Variants in SCLT1 observed in about 807,000 individuals in gnomAD.
The protein encoded by SCLT1 is sodium channel and clathrin linker 1.
In SCLT1, 78 loss-of-function variants were observed where a neutral mutation model predicts 112.8. The ratio of observed to expected loss-of-function variants is 0.69; its 90% confidence interval spans 0.58 to 0.83. SCLT1 has a LOEUF of 0.83. Among genes scored for constraint, SCLT1 ranks in the 40% least tolerant of loss-of-function variants. The pLI, the probability that SCLT1 is intolerant of heterozygous loss-of-function variation, is 0.00. For missense variants in SCLT1, 747 were observed against 770.4 expected, an observed-to-expected ratio of 0.97 and a Z score of 0.36; for synonymous variants, 257 against 254.7, an observed-to-expected ratio of 1.01 and a Z score of -0.09.
rs538633110 is a variant in SCLT1, at chr4:128,965,440, C to T, written c.778-122G>A. On this transcript the variant is annotated intron_variant, in intron 10 of 20. Transcript: ENST00000281142. ...TATGCTATTAGCATTCTAACACTTA[C>T]GTTAAAAGAAACAATATGACTTTGG... 368 of 655,378 alleles carry T rather than the reference C, an allele frequency of 5.6e-4. 1 individual carries two copies. Among genetic ancestry groups the T allele is most frequent in the Non-Finnish European group, 8.7e-4 (322 of 370,440 alleles). The allele number at this position is 655,378 out of a possible 1,614,324, so 40.6% of individuals were successfully genotyped here.
At chr4:128,895,905 T>G (rs184741211) in intron 18 of SCLT1, among the ~76,000 whole-genome samples, 1 of 152,302 alleles carries the variant, frequency 6.6e-6, no homozygotes, top group African/African-American at 2.4e-5. Context: ...CTGCCTGGCT[T>G]GAAGGGTCCT....
intron 18 of SCLT1, among the ~76,000 whole-genome samples, chr4:128,895,711 C>T (rs1437320450): frequency 2.0e-5 from 3 of 152,128 alleles, no homozygotes; most frequent in Non-Finnish European, 4.4e-5. Context: ...GTGCAGCGCA[C>T]CTAGCATGAG....
At chr4:129,052,625 CTTT>C (rs1324867616) in intron 2 of SCLT1, among the ~76,000 whole-genome samples, 3 of 151,072 alleles carry the variant, frequency 2.0e-5, no homozygotes, top group South Asian at 2.1e-4. Flanking sequence ...CTCTTTTCTT[CTTT>C]ATTAGTTTGG....
intron 2 of SCLT1, among the ~76,000 whole-genome samples, chr4:129,070,046 T>C (rs2125750839): frequency 6.6e-6 from 1 of 152,200 alleles, no homozygotes; most frequent in Non-Finnish European, 1.5e-5. Context: ...CTGTTTATGT[T>C]GAGTATCACA....
intron 18 of SCLT1, among the ~76,000 whole-genome samples, chr4:128,895,483 A>G (rs550015080): frequency 6.6e-6 from 1 of 152,212 alleles, no homozygotes; most frequent in African/African-American, 2.4e-5. Context: ...GGTTTATATT[A>G]TTTTTTAGAT....
chr4:128,973,107 T>A (rs17013991), intron 9 of SCLT1, among the ~76,000 whole-genome samples: 2,956 of 152,174 alleles, frequency 0.019, 100 homozygotes, highest in African/African-American at 0.064. Context: ...TCTAACCAAT[T>A]CCTTAATTTT....
chr4:129,085,474 A>G (rs1164587634), intron 1 of SCLT1, among the ~76,000 whole-genome samples: 1 of 152,206 alleles, frequency 6.6e-6, no homozygotes, highest in Non-Finnish European at 1.5e-5. Flanking sequence ...AAACACCTAA[A>G]GACAGAAATA....
intron 2 of SCLT1, among the ~76,000 whole-genome samples, chr4:129,079,743 G>T (rs1188331751): frequency 6.6e-6 from 1 of 152,258 alleles, no homozygotes; most frequent in African/African-American, 2.4e-5. Context: ...TGTGGATTCT[G>T]TGTGGGGGCT....
chr4:129,044,990 T>C (rs1748054879), intron 2 of SCLT1, among the ~76,000 whole-genome samples: 1 of 151,952 alleles, frequency 6.6e-6, no homozygotes, highest in African/African-American at 2.4e-5. Context: ...TTTATAGGTA[T>C]GTGGTATATA....
At position 129,044,045 on chromosome 4, in the gene SCLT1, C is replaced by A; in HGVS notation, c.109G>T (p.Val37Phe). The change falls in exon 3 of 21, where the codon GTC becomes TTC. Residue 37 changes from valine to phenylalanine, a missense_variant. Physicochemically the swap from Val to Phe is conservative, Grantham distance 50. This residue lies in a region of SCLT1 where 723 missense variants were observed against 721.3 expected (regional missense o/e 1.00). Transcript: ENST00000281142. ...GTGTCGTCTCCTTCTCCTTGGCAGA[C>A]AGCTTTCTATAAAAGAATGTACATC... Reference protein sequence around the residue: ...FSKYSSVQKAVCQGEGDDTFE... With the variant: ...FSKYSSVQKAFCQGEGDDTFE... 1 of 1,558,904 alleles carries A rather than the reference C, an allele frequency of 6.4e-7. No individual in the cohort carries two copies. The highest frequency in any genetic ancestry group is 2.3e-5 in the East Asian group (1 of 44,102).
At chr4:129,023,599 A>G (rs1745696227) in intron 5 of SCLT1, among the ~76,000 whole-genome samples, 1 of 152,242 alleles carries the variant, frequency 6.6e-6, no homozygotes, top group Admixed American at 6.5e-5. Context: ...TACAGCTCCC[A>G]GCGTGAGCAA....
chr4:128,958,007 T>G (rs1303632433), intron 12 of SCLT1, among the ~76,000 whole-genome samples: 1 of 152,166 alleles, frequency 6.6e-6, no homozygotes, highest in Non-Finnish European at 1.5e-5. Flanking sequence ...CTATCTGTCC[T>G]TCTCTTAGTG....
At chr4:129,022,028 C>T (rs1487956791) in intron 5 of SCLT1, among the ~76,000 whole-genome samples, 1 of 152,194 alleles carries the variant, frequency 6.6e-6, no homozygotes, top group African/African-American at 2.4e-5. Flanking sequence ...AGTGGACCTC[C>T]AGCAAACTGC....
At chr4:128,954,608 C>T (rs148699042) in intron 13 of SCLT1, among the ~76,000 whole-genome samples, 2,044 of 152,142 alleles carry the variant, frequency 0.013, 22 homozygotes, top group Middle Eastern at 0.044. Flanking sequence ...CCACCGTGCC[C>T]GGCCAGCTCT....
chr4:129,010,696 T>C lies in SCLT1; in HGVS notation c.291-6820A>G, dbSNP rs760889951. On this transcript the variant is annotated intron_variant, in intron 5 of 20. Transcript: ENST00000281142. ...TTATTTATTACAACTGGGAATGGGATTGCGTTACTCATTTGGCTCTTGGCT... is the reference window on the plus strand; with the variant it reads ...TTATTTATTACAACTGGGAATGGGACTGCGTTACTCATTTGGCTCTTGGCT... 3.3e-5 allele frequency among the ~76,000 whole-genome samples: 5 copies of C among 152,164 alleles called. No individual in the cohort carries two copies. In the South Asian group the frequency reaches 6.2e-4, roughly 19 times the overall value.
At chr4:129,072,742 C>T (rs967813146) in intron 2 of SCLT1, among the ~76,000 whole-genome samples, 39 of 152,034 alleles carry the variant, frequency 2.6e-4, no homozygotes, top group African/African-American at 8.9e-4. Context: ...CACGGGGCTT[C>T]GCCTTTTCTT....
intron 1 of SCLT1, among the ~76,000 whole-genome samples, chr4:129,085,256 C>T (rs1752293520): frequency 6.6e-6 from 1 of 151,612 alleles, no homozygotes; most frequent in African/African-American, 2.4e-5. Context: ...AGCAAGCATA[C>T]AAAAAAAAGC....
downstream of SCLT1, among the ~76,000 whole-genome samples, chr4:128,881,473 G>A (rs992312200): frequency 1.2e-4 from 19 of 152,224 alleles, no homozygotes; most frequent in African/African-American, 4.6e-4. Flanking sequence ...TCCAATGTTT[G>A]GGGTGGTTAT....
intron 2 of SCLT1, among the ~76,000 whole-genome samples, chr4:129,050,490 CG>C (rs1372966649): frequency 3.9e-5 from 6 of 152,112 alleles, no homozygotes; most frequent in Non-Finnish European, 8.8e-5. Flanking sequence ...TGACCAGTGA[CG>C]AGGAGCTTTT....
Sources: allele counts gnomAD v4.1 joint callset (sites outside exome capture counted in the v4.1 genomes callset), GRCh38; gene constraint gnomAD v4.1.1; regional missense constraint gnomAD v4.1.1; transcripts MANE v1.5; gene names NCBI Gene and HGNC (gene_info 2026-07-23, HGNC 2026-07-21).